Variants in CNKSR1 observed in about 807,000 individuals in gnomAD.
CNKSR1 encodes CNK homolog protein 1.
In CNKSR1, 88 loss-of-function variants were observed where a neutral mutation model predicts 95.6. That is an observed-to-expected ratio of 0.92 (90% CI 0.78 to 1.10). The LOEUF (loss-of-function observed/expected upper bound fraction) is 1.10, where lower values mean the gene tolerates loss of function less well. CNKSR1 is among the 50% of genes least tolerant of loss of function. The pLI, the probability that CNKSR1 is intolerant of heterozygous loss-of-function variation, is 0.00. For synonymous variants in CNKSR1, 355 were observed against 369.7 expected (o/e 0.96, Z 0.46); for missense variants, 836 against 912.0 (o/e 0.92, Z 1.07).
chr1:26,189,411 C>T lies in CNKSR1; in HGVS notation c.2005C>T (p.Gln669Ter). Reference protein sequence around the residue: ...SEGLGAWGVAQAEGSSHILTS... With the variant: ...SEGLGAWGVA ...GGGCCTGGGGGCCTGGGGAGTGGCA[C>T]AGGCTGAAGGCAGCTCCCACATCTT... Residue 669 changes from glutamine to a stop codon, truncating the protein, a stop_gained, in exon 21 of 21, where the codon CAG becomes TAG. Transcript: ENST00000361530. LOFTEE classifies it low-confidence loss of function (END_TRUNC). 1 of 1,614,172 alleles carries T rather than the reference C, an allele frequency of 6.2e-7. No homozygotes were observed. The highest frequency in any genetic ancestry group is 8.5e-7 in the Non-Finnish European group (1 of 1,180,020).
intron 1 of CNKSR1, among the ~76,000 whole-genome samples, chr1:26,178,383 G>T (rs775036137): frequency 5.9e-5 from 9 of 152,204 alleles, no homozygotes; most frequent in Non-Finnish European, 1.3e-4. Context: ...CCCTAGGCCA[G>T]ACTGAAGAGG....
In CNKSR1 at chr1:26,183,826, C is replaced by G. The variant is rs149069703; in HGVS notation, c.851C>G (p.Pro284Arg). Residue 284 changes from proline (P) to arginine (R), a missense_variant, in exon 9 of 21, where the codon CCA becomes CGA. Coordinates refer to ENST00000361530, the MANE Select transcript of CNKSR1 (RefSeq NM_006314.3). ...AAGATCCCGATACCGGAGACCCCCC[C>G]ACAGGTACCTTCCCCTGCCGCCCCC... ...LKKIPIPETP[P>R]QTPPQVLDSP... The G allele has an allele frequency of 3.7e-3, 5,262 of 1,419,388 alleles. 36 individuals carry two copies. Among genetic ancestry groups the G allele is most frequent in the Non-Finnish European group, 3.3e-3 (3,450 of 1,047,088 alleles). The allele number at this position is 1,419,388 out of a possible 1,614,324, so 87.9% of individuals were successfully genotyped here.
chr1:26,183,335 C>A lies in CNKSR1; in HGVS notation c.685-11C>A. 6.2e-7 allele frequency: 1 copy of A among 1,614,196 alleles called. No homozygotes were observed. Among genetic ancestry groups the A allele is most frequent in the Non-Finnish European group, 8.5e-7 (1 of 1,180,024 alleles). On this transcript the variant is annotated splice_polypyrimidine_tract_variant and intron_variant, in intron 7 of 20. Transcript: ENST00000361530. ...AGCCAGGCCAACCTCAGGCCCCATT[C>A]CCCACGTCAGGTTCCCACTGACTCC...
In CNKSR1 at chr1:26,185,062, G is replaced by T. The variant is rs772517573; in HGVS notation, c.1184G>T (p.Gly395Val). 3 of 1,604,952 alleles carry T rather than the reference G, an allele frequency of 1.9e-6. No homozygotes were observed. The highest frequency in any genetic ancestry group is 8.5e-7 in the Non-Finnish European group (1 of 1,178,502). Residue 395 changes from glycine to valine, a missense_variant, in exon 14 of 21, where the codon GGC (glycine) becomes GTC (valine). Coordinates refer to ENST00000361530, the MANE Select transcript of CNKSR1 (RefSeq NM_006314.3). ...CGGCGGGTGTCATGCCGTGAGCTGG[G>T]CCGGCCGGACTGTGACGGCTGGCTC... ...SRRRVSCRELGRPDCDGWLLL... is the reference protein window; with the variant it reads ...SRRRVSCRELVRPDCDGWLLL...
At chr1:26,181,379 C>T (rs890504015) in intron 3 of CNKSR1, among the ~76,000 whole-genome samples, 2 of 151,892 alleles carry the variant, frequency 1.3e-5, no homozygotes, top group South Asian at 4.1e-4. Flanking sequence ...CCACCCCACC[C>T]TCCAGCTTGT....
At chr1:26,184,009 G>C (rs2124511745) in intron 9 of CNKSR1, 62 bp from the exon 10 acceptor site, 1 of 1,185,696 alleles carries the variant, frequency 8.4e-7, no homozygotes, top group South Asian at 1.2e-5. Flanking sequence ...CCCTACCCCT[G>C]TTGCCCCCCA....
rs745425891 is a variant in CNKSR1 at position 26,182,332 on chromosome 1, A to T, written c.478-29A>T. The stretch of plus-strand genomic sequence containing the variant: ...TCCCCTTATGGCCCTTGCTCAGGGG[A>T]GGCCCCTGCTCTCTCATTCTACTTC... On this transcript the variant is annotated intron_variant, in intron 4 of 20. Coordinates refer to ENST00000361530, the MANE Select transcript of CNKSR1 (RefSeq NM_006314.3). 27 of 1,612,822 alleles carry T rather than the reference A, an allele frequency of 1.7e-5. No individual in the cohort carries two copies. In the South Asian group the frequency reaches 3.0e-4, roughly 18 times the overall value.
chr1:26,183,921 C>A, intron 9 of CNKSR1, 91 bp downstream of exon 9: 1 of 485,668 alleles, frequency 2.1e-6, no homozygotes, highest in Non-Finnish European at 3.8e-6. Flanking sequence ...CTTCAGACCC[C>A]CCCCAACAGG....
Position 26,183,401 on chromosome 1 carries a change from A to T in CNKSR1, c.740A>T (p.Asn247Ile). Reference sequence around the variant, plus strand: ...CCTGGAGACGAGGTTGTCCAGATCAACGAGCAGGTGGTGGTGCGTGAGGAG... The same window carrying T: ...CCTGGAGACGAGGTTGTCCAGATCATCGAGCAGGTGGTGGTGCGTGAGGAG... ...IQPGDEVVQI[N>I]EQVVVGWPRK... The change falls in exon 8 of 21, where the codon AAC becomes ATC. Residue 247 changes from asparagine to isoleucine, a missense_variant. Asn to Ile is a moderately radical substitution (Grantham distance 149). Transcript: ENST00000361530. 1.2e-6 allele frequency: 2 copies of T among 1,614,150 alleles called. No homozygotes were observed. The highest frequency in any genetic ancestry group is 1.7e-6 in the Non-Finnish European group (2 of 1,180,012).
Position 26,183,726 on chromosome 1 carries a change from C to T in CNKSR1, c.754-3C>T, listed in dbSNP as rs1337383867. On this transcript the variant is annotated splice_polypyrimidine_tract_variant and splice_region_variant and intron_variant, in intron 8 of 20. Coordinates refer to ENST00000361530, the MANE Select transcript of CNKSR1 (RefSeq NM_006314.3). The stretch of plus-strand genomic sequence containing the variant: ...GATACCAGCCAGTGTTTCTGTCCCC[C>T]AGGTGGGATGGCCCCGTAAGAACAT... 1 of 1,606,872 alleles carries T rather than the reference C, an allele frequency of 6.2e-7. No individual in the cohort carries two copies. The highest frequency in any genetic ancestry group is 1.3e-5 in the African/African-American group (1 of 74,678).
In CNKSR1 at chr1:26,182,381, G is replaced by T. The variant is rs147255718; in HGVS notation, c.498G>T (p.Lys166Asn). ...VLHEDGPAAE[K>N]EGTVLRICSH... is the part of the protein sequence containing the mutation. Reference sequence around the variant, plus strand: ...TCCAGGATGGTCCAGCGGCTGAGAAGGAGGGCACAGTCCTGAGGATCGTGA... The same window carrying T: ...TCCAGGATGGTCCAGCGGCTGAGAATGAGGGCACAGTCCTGAGGATCGTGA... Residue 166 changes from lysine to asparagine, a missense_variant, in exon 5 of 21, where the codon AAG becomes AAT. Coordinates refer to ENST00000361530, the MANE Select transcript of CNKSR1 (RefSeq NM_006314.3). The T allele has an allele frequency of 6.9e-5, 112 of 1,613,992 alleles. No homozygotes were observed. The highest frequency in any genetic ancestry group is 9.4e-5 in the Non-Finnish European group (111 of 1,179,998).
chr1:26,179,251 G>A lies in CNKSR1; in HGVS notation c.53-1202G>A, dbSNP rs191098236. 1.1e-4 allele frequency among the ~76,000 whole-genome samples: 17 copies of A among 152,220 alleles called. No homozygotes were observed. The East Asian group carries it at 3.1e-3, about 28-fold the overall frequency. On this transcript the variant is annotated intron_variant, in intron 1 of 20. Transcript: ENST00000361530. The stretch of plus-strand genomic sequence containing the variant: ...AGCCTGTGATAAAATGGGAAAGACC[G>A]ATGGTCAAGTGCAGGGGTTTGTGGA...
Position 26,183,774 on chromosome 1 carries a change from C to G in CNKSR1, c.799C>G (p.Pro267Ala). The G allele has an allele frequency of 1.1e-5, 18 of 1,613,688 alleles. No individual in the cohort carries two copies. Among genetic ancestry groups the G allele is most frequent in the Non-Finnish European group, 1.5e-5 (18 of 1,179,774 alleles). Residue 267 changes from proline to alanine, a missense_variant, in exon 9 of 21, where the codon CCA becomes GCA. Physicochemically the swap from Pro to Ala is conservative, Grantham distance 27. Coordinates refer to ENST00000361530, the MANE Select transcript of CNKSR1 (RefSeq NM_006314.3). ...KNMVRELLRE[P>A]AGLSLVLKKI... ...CATGGTGAGGGAACTGCTGCGGGAGCCAGCCGGACTCAGCTTAGTGCTGAA... is the reference window on the plus strand; with the variant it reads ...CATGGTGAGGGAACTGCTGCGGGAGGCAGCCGGACTCAGCTTAGTGCTGAA...
At position 26,187,620 on chromosome 1, in the gene CNKSR1, CTTTTTTTT is replaced by C. The variant is rs35307485; in HGVS notation, c.1454+151_1454+158del. The C allele has an allele frequency of 1.2e-3, 546 of 463,674 alleles. 2 individuals are homozygous for C. Among genetic ancestry groups the C allele is most frequent in the South Asian group, 0.011 (524 of 47,562 alleles). 28.7% of individuals were successfully genotyped at this position (463,674 alleles called of 1,614,324 possible). A position where few individuals can be genotyped will look rare whatever the true frequency, so the allele number is the denominator to read the frequency against. ...GGTCAAGATACTCACTTCTCTTTCT[CTTTTTTTT>C]TTTTTTTTTTTTGAGACAGAGTCTC... On this transcript the variant is annotated intron_variant, in intron 16 of 20. Transcript: ENST00000361530.
chr1:26,188,483 G>T lies in CNKSR1; in HGVS notation c.1570G>T (p.Ala524Ser). ...ETEAEDPDDE[A>S]GSHSASPSPA... ...CGAAGCAGAGGACCCGGACGATGAGGCTGGGTCCCACTCAGCCTCGGTGAG... is the reference window on the plus strand; with the variant it reads ...CGAAGCAGAGGACCCGGACGATGAGTCTGGGTCCCACTCAGCCTCGGTGAG... Residue 524 changes from alanine (A) to serine (S), a missense_variant, in exon 18 of 21, where the codon GCT (alanine) becomes TCT (serine). Physicochemically the swap from Ala to Ser is moderately conservative, Grantham distance 99. Coordinates refer to ENST00000361530, the MANE Select transcript of CNKSR1 (RefSeq NM_006314.3). The T allele has an allele frequency of 1.2e-6, 2 of 1,605,008 alleles. No individual in the cohort carries two copies. Among genetic ancestry groups the T allele is most frequent in the Non-Finnish European group, 1.7e-6 (2 of 1,175,996 alleles).
At chr1:26,180,227 G>A in intron 1 of CNKSR1, 1 of 596,480 alleles carries the variant, frequency 1.7e-6, no homozygotes, top group African/African-American at 1.9e-5. Context: ...AAGTTCTCCG[G>A]TGAGTCTGCT....
In CNKSR1 at chr1:26,183,417, G is replaced by A. The variant is rs1440090655; in HGVS notation, c.753+3G>A. ...TCCAGATCAACGAGCAGGTGGTGGTGCGTGAGGAGAGGGACATGGTAGGAG... is the reference window on the plus strand; with the variant it reads ...TCCAGATCAACGAGCAGGTGGTGGTACGTGAGGAGAGGGACATGGTAGGAG... On this transcript the variant is annotated splice_donor_region_variant and intron_variant, in intron 8 of 20. Coordinates refer to ENST00000361530, the MANE Select transcript of CNKSR1 (RefSeq NM_006314.3). The A allele has an allele frequency of 6.2e-7, 1 of 1,614,118 alleles. No homozygotes were observed. The highest frequency in any genetic ancestry group is 1.7e-5 in the Admixed American group (1 of 60,014).
intron 7 of CNKSR1, 34 bp from the exon 8 acceptor site, chr1:26,183,312 C>G: frequency 6.2e-7 from 1 of 1,614,076 alleles, no homozygotes. Flanking sequence ...CACCTGCAAG[C>G]CAGGCCAACC....
chr1:26,178,631 T>G (rs1010175607), intron 1 of CNKSR1, among the ~76,000 whole-genome samples: 2 of 152,098 alleles, frequency 1.3e-5, no homozygotes, highest in Admixed American at 1.3e-4. Context: ...AATTCAGGGC[T>G]GGGTTCAGAC....
Sources: gnomAD v4.1 joint callset for allele counts (sites outside exome capture counted in the v4.1 genomes callset) on GRCh38, gnomAD v4.1.1 for gene constraint, MANE v1.5 for transcripts, NCBI Gene and HGNC (gene_info 2026-07-23, HGNC 2026-07-21) for gene names.